The following PHF24 variants were observed in gnomAD, a reference collection of about 807,000 sequenced individuals.
PHF24 encodes the protein PHD finger protein 24.
A neutral mutation model predicts 42.6 loss-of-function variants in PHF24; 25 were observed. That is an observed-to-expected ratio of 0.59 (90% confidence interval 0.43 to 0.82). The LOEUF is 0.82. Ranked by LOEUF, PHF24 falls within the 40% of genes least tolerant of loss-of-function variation. The probability of loss-of-function intolerance (pLI) is 0.00; values close to 1 mark genes in which losing one functional copy is unlikely to be tolerated. For missense variants in PHF24, 470 were observed against 538.1 expected (o/e 0.87, Z 1.25); for synonymous variants, 185 against 204.8 (o/e 0.90, Z 0.83).
chr9:34,880,275 G>GGAAGAAACT, the PHF24 span, among the ~76,000 whole-genome samples: 2 of 152,182 alleles, frequency 1.3e-5, no homozygotes, highest in African/African-American at 4.8e-5. Flanking sequence ...ATCGATGCTA[G>GGAAGAAACT]GAAGAAACTG....
the PHF24 span, among the ~76,000 whole-genome samples, chr9:34,778,636 C>G: frequency 6.6e-5 from 10 of 151,858 alleles, no homozygotes; most frequent in African/African-American, 1.7e-4. Flanking sequence ...ACTAACAGAA[C>G]TGAAGGGAGA....
chr9:34,710,368 C>T, the PHF24 span, among the ~76,000 whole-genome samples: 1 of 152,168 alleles, frequency 6.6e-6, no homozygotes, highest in Admixed American at 6.5e-5. Flanking sequence ...GGCCTCACTG[C>T]CTCTCCCCTG....
At chr9:34,724,729 A>G in the PHF24 span, 1 of 1,551,624 alleles carries the variant, frequency 6.4e-7, no homozygotes, top group African/African-American at 1.4e-5. Flanking sequence ...ATGGCCCAAG[A>G]CTTATACACT....
the PHF24 span, among the ~76,000 whole-genome samples, chr9:34,792,894 T>C: frequency 9.9e-5 from 15 of 152,214 alleles, no homozygotes; most frequent in East Asian, 2.5e-3. Flanking sequence ...GAGGTGGAAA[T>C]TGTAGTCAGG....
chr9:34,809,601 C>A, the PHF24 span, among the ~76,000 whole-genome samples: 1 of 152,222 alleles, frequency 6.6e-6, no homozygotes, highest in African/African-American at 2.4e-5. This position sits in a 1 kb window ranked among gnomAD's most constrained non-coding sequence, Gnocchi z 4.1. Flanking sequence ...GTCCGAATGC[C>A]AGCGTCGTGA....
At chr9:34,906,889 A>C in the PHF24 span, among the ~76,000 whole-genome samples, 4 of 152,328 alleles carry the variant, frequency 2.6e-5, no homozygotes, top group Admixed American at 6.5e-5. Flanking sequence ...CCACACCCAG[A>C]CACACTATTT....
At chr9:34,836,488 A>G in the PHF24 span, among the ~76,000 whole-genome samples, 1 of 152,218 alleles carries the variant, frequency 6.6e-6, no homozygotes, top group Non-Finnish European at 1.5e-5. Flanking sequence ...ACTGTGGAAA[A>G]TGAGGTTTAT....
chr9:34,786,195 G>A, the PHF24 span, among the ~76,000 whole-genome samples: 1 of 152,168 alleles, frequency 6.6e-6, no homozygotes, highest in East Asian at 1.9e-4. Flanking sequence ...AGTAAGATTT[G>A]CAGGTTATTA....
chr9:34,693,372 C>A, the PHF24 span, among the ~76,000 whole-genome samples: 1 of 152,196 alleles, frequency 6.6e-6, no homozygotes, highest in East Asian at 1.9e-4. Context: ...GGTATTAATT[C>A]CCCAAATCCT....
At chr9:34,884,097 G>A in the PHF24 span, among the ~76,000 whole-genome samples, 35 of 152,082 alleles carry the variant, frequency 2.3e-4, no homozygotes, top group Admixed American at 9.2e-4. Flanking sequence ...CCATCCTTCC[G>A]AGAAAACTAT....
the PHF24 span, among the ~76,000 whole-genome samples, chr9:34,808,294 T>G: frequency 2.7e-5 from 4 of 148,620 alleles, no homozygotes; most frequent in African/African-American, 1.1e-4. Flanking sequence ...CATCTACCAT[T>G]TTGTGTCTAA....
chr9:34,788,177 A>G, the PHF24 span, among the ~76,000 whole-genome samples: 1 of 152,066 alleles, frequency 6.6e-6, no homozygotes, highest in Admixed American at 6.5e-5. Context: ...AGCTGGGACT[A>G]CAGGTGTGCA....
chr9:34,701,255 C>A, the PHF24 span, among the ~76,000 whole-genome samples: 1 of 152,126 alleles, frequency 6.6e-6, no homozygotes, highest in Non-Finnish European at 1.5e-5. This position sits in a 1 kb window ranked among gnomAD's most constrained non-coding sequence, Gnocchi z 5.8. Context: ...GGGGAGTCAA[C>A]CAAGTTCGTG....
the PHF24 span, chr9:34,728,503 T>C: frequency 1.7e-4 from 192 of 1,099,888 alleles, no homozygotes; most frequent in Admixed American, 8.9e-4. Flanking sequence ...AACTGGAGTC[T>C]TCAGTGGCAG....
the PHF24 span, among the ~76,000 whole-genome samples, chr9:34,720,115 C>T: frequency 6.6e-6 from 1 of 152,272 alleles, no homozygotes; most frequent in Non-Finnish European, 1.5e-5. Context: ...TCCTGGGTTT[C>T]CGTAGGAACC....
chr9:34,922,983 G>A, the PHF24 span: 2 of 1,030,144 alleles, frequency 1.9e-6, no homozygotes, highest in Non-Finnish European at 2.7e-6. Flanking sequence ...AGTCTACCTG[G>A]GGGGTGCTGC....
chr9:34,722,131 G>C, the PHF24 span, among the ~76,000 whole-genome samples: 2 of 152,270 alleles, frequency 1.3e-5, no homozygotes, highest in East Asian at 1.9e-4. Flanking sequence ...GGACCATCAG[G>C]CTTCTGTGTT....
the PHF24 span, among the ~76,000 whole-genome samples, chr9:34,763,329 A>G: frequency 4.6e-5 from 7 of 152,220 alleles, no homozygotes; most frequent in Non-Finnish European, 1.0e-4. Context: ...CCTACCCATG[A>G]GCATGGAATG....
the PHF24 span, among the ~76,000 whole-genome samples, chr9:34,845,871 T>C: frequency 6.6e-6 from 1 of 151,606 alleles, no homozygotes; most frequent in Non-Finnish European, 1.5e-5. Flanking sequence ...GTTCTTGCGA[T>C]AGTTTACTGA....
Sources: allele counts gnomAD v4.1 joint callset (sites outside exome capture counted in the v4.1 genomes callset), GRCh38; gene constraint gnomAD v4.1.1; non-coding constraint Gnocchi (gnomAD v3.1); transcripts MANE v1.5; gene names NCBI Gene and HGNC (gene_info 2026-07-23, HGNC 2026-07-21).